Variants in KCTD1 observed in about 807,000 individuals in gnomAD.
KCTD1 encodes potassium channel tetramerization domain containing 1.
A neutral mutation model predicts 66.0 loss-of-function variants in KCTD1; 24 were observed. The observed-to-expected ratio is 0.36, with a 90% confidence interval of 0.26 to 0.51. The LOEUF is 0.51. KCTD1 is among the 20% of genes least tolerant of loss of function. KCTD1 has a pLI of 0.95. For missense variants in KCTD1, 943 were observed against 1,205.2 expected (o/e 0.78, Z 3.22); for synonymous variants, 511 against 517.2 (o/e 0.99, Z 0.16).
In KCTD1 at chr18:26,468,886, G is replaced by GT. The variant is rs1196505684; in HGVS notation, c.2133+7628dup. 1.3e-5 allele frequency among the ~76,000 whole-genome samples: 2 copies of GT among 152,176 alleles called. No individual in the cohort carries two copies. The highest frequency in any genetic ancestry group is 4.8e-5 in the African/African-American group (2 of 41,450). ...ACCCCAAAAGCCATGTCCCTCCCAG[G>GT]TTCAAGAGAAAACTCTGACGAGGAA... On this transcript the variant is annotated intron_variant, in intron 3 of 4. Transcript: ENST00000580059. The surrounding 1 kb of genome is among the most constrained non-coding windows in gnomAD (Gnocchi z 4.8).
At chr18:26,575,254 C>T (rs907192174) in intron 1 of KCTD1, 27 of 152,142 alleles carry the variant, frequency 1.8e-4, no homozygotes, top group African/African-American at 6.5e-4. Context: ...GAAAGTACTG[C>T]AGGGCATAAA....
At chr18:26,552,963 G>A (rs771827819), upstream of KCTD1, among the ~76,000 whole-genome samples, 5 of 150,982 alleles carry the variant, frequency 3.3e-5, no homozygotes, top group Non-Finnish European at 7.4e-5. Context: ...GGTATATCTT[G>A]GTTTTAGAGG....
chr18:26,593,664 G>A lies in KCTD1; in HGVS notation c.-16+35483C>T, dbSNP rs1449652965. On this transcript the variant is annotated intron_variant, in intron 1 of 4. Transcript: ENST00000317932. Reference sequence around the variant, plus strand: ...AAGAGAAGGAAGAGGAGGAAGAGGAGGAGGAGGAAGATGAGGAGGAGGAGG... The same window carrying A: ...AAGAGAAGGAAGAGGAGGAAGAGGAAGAGGAGGAAGATGAGGAGGAGGAGG... Among the ~76,000 whole-genome samples, 17 of 133,092 alleles carry A rather than the reference G, an allele frequency of 1.3e-4. 2 individuals are homozygous for A. Among genetic ancestry groups the A allele is most frequent in the Admixed American group, 5.3e-4 (7 of 13,296 alleles). 87.3% of individuals were successfully genotyped at this position (133,092 alleles called of 152,430 possible).
intron 2 of KCTD1, among the ~76,000 whole-genome samples, chr18:26,493,798 G>A (rs548647039): frequency 2.6e-4 from 40 of 152,110 alleles, no homozygotes; most frequent in African/African-American, 5.8e-4. Context: ...GGTCTTACTC[G>A]TTCTTTCTAG....
At chr18:26,629,709 G>A (rs999085294), upstream of KCTD1, among the ~76,000 whole-genome samples, 1 of 139,586 alleles carries the variant, frequency 7.2e-6, no homozygotes, top group African/African-American at 2.8e-5. Context: ...TTGGGAAAGA[G>A]ATTGACCCCC....
chr18:26,615,058 TCAG>T, intron 1 of KCTD1, among the ~76,000 whole-genome samples: 1 of 152,180 alleles, frequency 6.6e-6, no homozygotes, highest in Non-Finnish European at 1.5e-5. Context: ...TTCCATGCAA[TCAG>T]TAGAAGGACA....
intron 1 of KCTD1, among the ~76,000 whole-genome samples, chr18:26,574,387 GAGA>G (rs912246261): frequency 3.9e-5 from 6 of 152,286 alleles, no homozygotes; most frequent in Admixed American, 3.9e-4. Flanking sequence ...CCAGTCATTT[GAGA>G]AGGATTAACT....
intron 1 of KCTD1, chr18:26,566,235 A>G (rs773250877): frequency 3.9e-5 from 6 of 152,204 alleles, no homozygotes; most frequent in Non-Finnish European, 8.8e-5. Flanking sequence ...TTTCTTCTTG[A>G]AATTCCAATT....
At chr18:26,656,365 T>G (rs895927820) in intron 1 of KCTD1, among the ~76,000 whole-genome samples, 3 of 152,118 alleles carry the variant, frequency 2.0e-5, no homozygotes, top group Non-Finnish European at 4.4e-5. Flanking sequence ...ATCCGGAGCA[T>G]GTGCTGTGCC....
Position 26,578,057 on chromosome 18 carries a change from C to CTTT in KCTD1, c.-16+51087_-16+51089dup, listed in dbSNP as rs11381611. Among the ~76,000 whole-genome samples the CTTT allele has an allele frequency of 7.1e-3, 836 of 116,994 alleles. 22 individuals carry two copies. Among genetic ancestry groups the CTTT allele is most frequent in the African/African-American group, 0.022 (664 of 29,756 alleles). The allele number at this position is 116,994 out of a possible 152,430, so 76.8% of individuals were successfully genotyped here. A position where few individuals can be genotyped will look rare whatever the true frequency, so the allele number is the denominator to read the frequency against. ...ACCTTGCTTTTCTTTTCTTTTCTTTCTTTTTTTTTTTTTTTTTTTGACAGA... is the reference window on the plus strand; with the variant it reads ...ACCTTGCTTTTCTTTTCTTTTCTTTCTTTTTTTTTTTTTTTTTTTTTTGACAGA... On this transcript the variant is annotated intron_variant, in intron 1 of 4. Transcript: ENST00000317932.
At chr18:26,543,482 A>G (rs928136710) in intron 1 of KCTD1, 6 of 152,354 alleles carry the variant, frequency 3.9e-5, no homozygotes, top group African/African-American at 1.4e-4. Flanking sequence ...TACATTAAAT[A>G]TTCCTTCTTC....
Position 26,547,025 on chromosome 18 carries a change from G to A in KCTD1, c.1512C>T (p.Arg504=). 1.3e-6 allele frequency: 2 copies of A among 1,486,552 alleles called. No homozygotes were observed. The highest frequency in any genetic ancestry group is 2.5e-5 in the East Asian group (1 of 40,268). The allele number at this position is 1,486,552 out of a possible 1,614,324, so 92.1% of individuals were successfully genotyped here. The change falls in exon 1 of 5, where the codon CGC becomes CGT. Residue 504 remains arginine (R), a synonymous_variant. Transcript: ENST00000580059. ...HPPTHPSHHH[R]PQPPSLGNTY... is the part of the protein sequence containing the mutation. Reference sequence around the variant, plus strand: ...TGTTCCCCAGCGAGGGCGGCTGGGGGCGGTGGTGGTGGGAGGGATGGGTGG... The same window carrying A: ...TGTTCCCCAGCGAGGGCGGCTGGGGACGGTGGTGGTGGGAGGGATGGGTGG...
At chr18:26,511,640 C>T (rs1312972940) in intron 1 of KCTD1, among the ~76,000 whole-genome samples, 1 of 152,150 alleles carries the variant, frequency 6.6e-6, no homozygotes, top group Non-Finnish European at 1.5e-5. Context: ...GAAGTTGACT[C>T]TGAGGTCAAG....
At chr18:26,589,638 CCTTT>C (rs913893002) in intron 1 of KCTD1, among the ~76,000 whole-genome samples, 1 of 152,180 alleles carries the variant, frequency 6.6e-6, no homozygotes, top group African/African-American at 2.4e-5. Context: ...TGGCCACTCT[CCTTT>C]CTTTCTTGCT....
At chr18:26,478,419 C>CTTA (rs1166067350) in intron 2 of KCTD1, among the ~76,000 whole-genome samples, 7 of 152,172 alleles carry the variant, frequency 4.6e-5, no homozygotes, top group Non-Finnish European at 1.5e-5. Context: ...CGAATGAAAG[C>CTTA]TTATGGTCTA....
upstream of KCTD1, chr18:26,548,731 A>AG (rs1166482994): frequency 2.1e-5 from 9 of 426,382 alleles, no homozygotes; most frequent in African/African-American, 1.3e-4. Context: ...GGGAGGGGGG[A>AG]GGGGGGGACA....
intron 1 of KCTD1, among the ~76,000 whole-genome samples, chr18:26,596,501 A>G: frequency 6.6e-6 from 1 of 152,234 alleles, no homozygotes. Context: ...CTTAATTCTA[A>G]TTAAACACTA....
chr18:26,520,210 G>A (rs1223076258), intron 1 of KCTD1, among the ~76,000 whole-genome samples: 2 of 152,184 alleles, frequency 1.3e-5, no homozygotes, highest in Non-Finnish European at 1.5e-5. Flanking sequence ...GGGTGACTGG[G>A]TGGCTTGCTC....
At chr18:26,536,350 C>T (rs1214869717) in intron 1 of KCTD1, among the ~76,000 whole-genome samples, 1 of 152,182 alleles carries the variant, frequency 6.6e-6, no homozygotes, top group Non-Finnish European at 1.5e-5. Flanking sequence ...TGGAATGTGG[C>T]AGCTTACTTG....
Sources: gnomAD v4.1 joint callset for allele counts (sites outside exome capture counted in the v4.1 genomes callset) on GRCh38, gnomAD v4.1.1 for gene constraint, Gnocchi (gnomAD v3.1) non-coding constraint, MANE v1.5 for transcripts, NCBI Gene and HGNC (gene_info 2026-07-23, HGNC 2026-07-21) for gene names.